Variants in GPSM2 observed in about 807,000 individuals in gnomAD.
The protein encoded by GPSM2 is G protein-signaling modulator 2.
A neutral mutation model predicts 78.4 loss-of-function variants in GPSM2; 58 were observed. The observed-to-expected ratio is 0.74, with a 90% CI of 0.60 to 0.92. The LOEUF (loss-of-function observed/expected upper bound fraction) is 0.92. Among genes scored for constraint, GPSM2 ranks in the 40% least tolerant of loss-of-function variants. The pLI is 0.00. For missense variants in GPSM2, 700 were observed against 815.5 expected, an observed-to-expected ratio of 0.86 and a Z score of 1.73; for synonymous variants, 224 against 280.2, an observed-to-expected ratio of 0.80 and a Z score of 2.00.
At chr1:108,913,487 G>A (rs1649931317) in intron 10 of GPSM2, among the ~76,000 whole-genome samples, 1 of 152,062 alleles carries the variant, frequency 6.6e-6, no homozygotes, top group African/African-American at 2.4e-5. Context: ...CAAACATAAG[G>A]TTTCTCAAAG....
chr1:108,900,847 T>A (rs539444042), intron 7 of GPSM2, among the ~76,000 whole-genome samples: 1 of 152,280 alleles, frequency 6.6e-6, no homozygotes, highest in Non-Finnish European at 1.5e-5. Flanking sequence ...AACTTTAGAT[T>A]TGTTTGCTTA....
At chr1:108,920,248 C>G (rs1650598727) in intron 12 of GPSM2, among the ~76,000 whole-genome samples, 2 of 152,254 alleles carry the variant, frequency 1.3e-5, no homozygotes, top group South Asian at 2.1e-4. Flanking sequence ...GCAGGCGGAT[C>G]ACTTGAAGTC....
At chr1:108,896,273 T>C (rs961581507) in intron 2 of GPSM2, among the ~76,000 whole-genome samples, 1 of 152,182 alleles carries the variant, frequency 6.6e-6, no homozygotes, top group African/African-American at 2.4e-5. Context: ...CTTGTGAAAA[T>C]GTGTCTTACA....
chr1:108,902,446 T>C (rs1057302181), intron 8 of GPSM2, among the ~76,000 whole-genome samples: 14 of 151,362 alleles, frequency 9.2e-5, no homozygotes, highest in Admixed American at 8.6e-4. Flanking sequence ...TTAGAGATAA[T>C]GTCCAGTGTG....
intron 10 of GPSM2, among the ~76,000 whole-genome samples, chr1:108,910,501 C>T (rs1649645556): frequency 6.6e-6 from 1 of 152,192 alleles, no homozygotes; most frequent in African/African-American, 2.4e-5. Flanking sequence ...ACCGGCCAGC[C>T]TTACTTGTGA....
At chr1:108,883,619 A>G (rs568397236) in intron 1 of GPSM2, among the ~76,000 whole-genome samples, 1 of 152,294 alleles carries the variant, frequency 6.6e-6, no homozygotes, top group South Asian at 2.1e-4. Context: ...GTATATGTAT[A>G]TCCTTCTTTG....
At chr1:108,911,266 G>A (rs1649719016) in intron 10 of GPSM2, among the ~76,000 whole-genome samples, 2 of 151,996 alleles carry the variant, frequency 1.3e-5, no homozygotes, top group Admixed American at 6.6e-5. Context: ...GGTAGGTCAC[G>A]CCTGTAATCC....
At chr1:108,899,602 TC>T (rs1648639104) in intron 7 of GPSM2, among the ~76,000 whole-genome samples, 1 of 152,204 alleles carries the variant, frequency 6.6e-6, no homozygotes, top group African/African-American at 2.4e-5. Context: ...ATCTCTCTTA[TC>T]AGTAGATTTG....
chr1:108,905,118 T>G (rs902675626), intron 10 of GPSM2, among the ~76,000 whole-genome samples: 1 of 152,204 alleles, frequency 6.6e-6, no homozygotes, highest in Admixed American at 6.5e-5. Flanking sequence ...GAACATTTAG[T>G]GAAAAGTTCT....
At chr1:108,907,566 T>C (rs1355032523) in intron 10 of GPSM2, among the ~76,000 whole-genome samples, 1 of 152,056 alleles carries the variant, frequency 6.6e-6, no homozygotes, top group Non-Finnish European at 1.5e-5. Context: ...GAAAATAAAA[T>C]GACTGTGGTT....
At chr1:108,916,298 TTAAA>T (rs1013971533) in intron 11 of GPSM2, among the ~76,000 whole-genome samples, 14 of 151,784 alleles carry the variant, frequency 9.2e-5, no homozygotes, top group Admixed American at 9.2e-4. Context: ...TTCCATGTCA[TTAAA>T]TATTCTTCTG....
In GPSM2 at chr1:108,934,490, T is replaced by C. The variant is rs780707313; in HGVS notation, c.*4550T>C. 1.5e-6 allele frequency: 1 copy of C among 646,676 alleles called. No homozygotes were observed. Among genetic ancestry groups the C allele is most frequent in the South Asian group, 2.3e-5 (1 of 42,930 alleles). 40.1% of individuals were successfully genotyped at this position (646,676 alleles called of 1,614,324 possible). A position where few individuals can be genotyped will look rare whatever the true frequency, so the allele number is the denominator to read the frequency against. On this transcript the variant is annotated 3_prime_UTR_variant, in exon 15 of 15. Coordinates refer to ENST00000264126, the MANE Select transcript of GPSM2 (RefSeq NM_013296.5). ...AGATGAAATGAAAAGCTTTTACATA[T>C]ATAACGTGTTTGTTAATTCTAATTG...
At chr1:108,897,167 A>T in intron 3 of GPSM2, 82 bp downstream of exon 3, 1 of 1,039,754 alleles carries the variant, frequency 9.6e-7, no homozygotes, top group Non-Finnish European at 1.5e-6. Flanking sequence ...ATTAACAAAA[A>T]CTAACTTAAT....
Position 108,934,533 on chromosome 1 carries a change from G to A in GPSM2, c.*4593G>A. ...TCTAATTGTCAGTAAAAATGTGAAT[G>A]TTGAAGTTGAAATGTGAATGTTGAA... is the stretch of plus-strand genomic sequence containing the variant. On this transcript the variant is annotated 3_prime_UTR_variant, in exon 15 of 15. Transcript: ENST00000264126. 1.0e-6 allele frequency: 1 copy of A among 957,918 alleles called. No individual in the cohort carries two copies. Among genetic ancestry groups the A allele is most frequent in the Non-Finnish European group, 1.5e-6 (1 of 660,912 alleles). The allele number at this position is 957,918 out of a possible 1,614,324, so 59.3% of individuals were successfully genotyped here. A position where few individuals can be genotyped will look rare whatever the true frequency, so the allele number is the denominator to read the frequency against.
rs547150881 is a variant in GPSM2, at chr1:108,913,227, A to G, written c.1193-1111A>G. Reference sequence around the variant, plus strand: ...ATATACTGCTGATACCCACCAAACTAGAAGAAATGCTTGTTCATGTACACT... The same window carrying G: ...ATATACTGCTGATACCCACCAAACTGGAAGAAATGCTTGTTCATGTACACT... On this transcript the variant is annotated intron_variant, in intron 10 of 14. Coordinates refer to ENST00000264126, the MANE Select transcript of GPSM2 (RefSeq NM_013296.5). Among the ~76,000 whole-genome samples, 5 of 152,314 alleles carry G rather than the reference A, an allele frequency of 3.3e-5. No homozygotes were observed. In the East Asian group the frequency reaches 7.7e-4, roughly 24 times the overall value.
rs145214516 is a variant in GPSM2, at chr1:108,901,407, C to T, written c.798-383C>T. Among the ~76,000 whole-genome samples, 354 of 152,104 alleles carry T rather than the reference C, an allele frequency of 2.3e-3. 2 individuals carry two copies. The highest frequency in any genetic ancestry group is 7.0e-3 in the African/African-American group (290 of 41,458). ...TTAAATTTTGACAATGCAAAGGTGA[C>T]GGTATGATTGAAAACAGATGTCATG... On this transcript the variant is annotated intron_variant, in intron 7 of 14. Coordinates refer to ENST00000264126, the MANE Select transcript of GPSM2 (RefSeq NM_013296.5).
At chr1:108,920,529 G>T (rs902149857) in intron 12 of GPSM2, among the ~76,000 whole-genome samples, 7 of 151,584 alleles carry the variant, frequency 4.6e-5, no homozygotes, top group East Asian at 1.9e-4. Context: ...CAAAAAAAAA[G>T]CCTTTTTTTT....
chr1:108,928,003 G>A (rs1422172701), intron 14 of GPSM2, among the ~76,000 whole-genome samples: 1 of 152,122 alleles, frequency 6.6e-6, no homozygotes, highest in African/African-American at 2.4e-5. Context: ...ATTGGGTTTG[G>A]CAGTGATTTC....
chr1:108,916,327 CAAT>C (rs1466309226), intron 11 of GPSM2, among the ~76,000 whole-genome samples: 1 of 151,194 alleles, frequency 6.6e-6, no homozygotes. Context: ...ATCATTATAA[CAAT>C]AACATATGAT....
Sources: allele counts gnomAD v4.1 joint callset (sites outside exome capture counted in the v4.1 genomes callset), GRCh38; gene constraint gnomAD v4.1.1; transcripts MANE v1.5; gene names NCBI Gene and HGNC (gene_info 2026-07-23, HGNC 2026-07-21).